The following SLIT3 variants were observed in gnomAD, a reference collection of about 807,000 sequenced individuals.
The protein encoded by SLIT3 is slit guidance ligand 3.
SLIT3 carries 68 observed loss-of-function variants against 184.0 expected under a neutral mutation model. The ratio of observed to expected loss-of-function variants is 0.37; its 90% confidence interval spans 0.30 to 0.45. The LOEUF (loss-of-function observed/expected upper bound fraction) is 0.45, where lower values mean the gene tolerates loss of function less well. SLIT3 is among the 20% of genes least tolerant of loss of function. SLIT3 has a pLI of 1.00. For synonymous variants in SLIT3, 831 were observed against 828.6 expected (o/e 1.00, Z -0.05); for missense variants, 1,707 against 2,026.0 (o/e 0.84, Z 3.02).
At chr5:168,761,953 A>G (rs1464071367) in intron 15 of SLIT3, among the ~76,000 whole-genome samples, 3 of 137,108 alleles carry the variant, frequency 2.2e-5, no homozygotes, top group Non-Finnish European at 4.7e-5. Context: ...GACTGGGGTA[A>G]GGGAGTGGGG....
At chr5:169,036,543 G>A (rs184126985) in intron 4 of SLIT3, 4 of 152,160 alleles carry the variant, frequency 2.6e-5, no homozygotes, top group South Asian at 4.2e-4. Flanking sequence ...ACATCTAAAC[G>A]CACAGCATTT....
At chr5:168,801,806 T>C (rs1350455104) in intron 9 of SLIT3, among the ~76,000 whole-genome samples, 1 of 152,182 alleles carries the variant, frequency 6.6e-6, no homozygotes, top group Non-Finnish European at 1.5e-5. Flanking sequence ...TGAATCATCA[T>C]CTCACTGTGG....
chr5:169,272,937 G>T (rs2113634837), intron 1 of SLIT3, among the ~76,000 whole-genome samples: 1 of 152,112 alleles, frequency 6.6e-6, no homozygotes, highest in East Asian at 1.9e-4. Context: ...ACCTGCTGGG[G>T]TGGGAGCCCA....
intron 4 of SLIT3, among the ~76,000 whole-genome samples, chr5:169,192,758 G>A (rs1258534840): frequency 1.3e-5 from 2 of 152,142 alleles, no homozygotes; most frequent in East Asian, 1.9e-4. Flanking sequence ...CATGAACTGA[G>A]TCACTGCCAG....
chr5:168,996,667 C>T (rs569573394), intron 4 of SLIT3, among the ~76,000 whole-genome samples: 1 of 152,314 alleles, frequency 6.6e-6, no homozygotes, highest in African/African-American at 2.4e-5. Context: ...GTTACAGCAG[C>T]GGATTTTTTA....
intron 4 of SLIT3, among the ~76,000 whole-genome samples, chr5:169,034,100 C>A (rs879588202): frequency 1.3e-5 from 2 of 152,208 alleles, no homozygotes; most frequent in Admixed American, 6.5e-5. Flanking sequence ...GCGTGAGCCA[C>A]CACACCCAGC....
intron 4 of SLIT3, among the ~76,000 whole-genome samples, chr5:168,987,043 A>T (rs1755155640): frequency 6.6e-6 from 1 of 152,160 alleles, no homozygotes; most frequent in Non-Finnish European, 1.5e-5. Context: ...GCGAGATTCC[A>T]TCTCAAAAAA....
At chr5:169,106,167 C>G (rs1439318247) in intron 4 of SLIT3, among the ~76,000 whole-genome samples, 1 of 152,152 alleles carries the variant, frequency 6.6e-6, no homozygotes, top group African/African-American at 2.4e-5. Flanking sequence ...ACCTGTGTAA[C>G]AAACCTGCAC....
chr5:168,758,061 T>C (rs1231216254), intron 16 of SLIT3, among the ~76,000 whole-genome samples: 1 of 152,136 alleles, frequency 6.6e-6, no homozygotes, highest in African/African-American at 2.4e-5. Flanking sequence ...ATGGAAACAT[T>C]TGGCAGCCCT....
intron 4 of SLIT3, among the ~76,000 whole-genome samples, chr5:168,989,902 C>A (rs1380494256): frequency 2.0e-5 from 3 of 152,174 alleles, no homozygotes; most frequent in Non-Finnish European, 4.4e-5. Context: ...TCCCTTTTAT[C>A]TCTAACAGTT....
chr5:168,819,533 G>A (rs1581114927), intron 7 of SLIT3, among the ~76,000 whole-genome samples: 2 of 152,172 alleles, frequency 1.3e-5, no homozygotes, highest in Non-Finnish European at 2.9e-5. Flanking sequence ...AGTGAGGCGC[G>A]GAAGCTGAGG....
chr5:168,917,593 CT>C (rs1230373907), intron 4 of SLIT3, among the ~76,000 whole-genome samples: 1 of 152,208 alleles, frequency 6.6e-6, no homozygotes. Flanking sequence ...GCCCTTCCCC[CT>C]GCTTCTGGGG....
intron 4 of SLIT3, among the ~76,000 whole-genome samples, chr5:168,915,235 T>C (rs1275128842): frequency 6.6e-6 from 1 of 152,202 alleles, no homozygotes; most frequent in Non-Finnish European, 1.5e-5. Flanking sequence ...TGTGGAAAAA[T>C]CATTTTACAA....
intron 4 of SLIT3, among the ~76,000 whole-genome samples, chr5:168,966,121 G>A (rs1763182411): frequency 6.6e-6 from 1 of 152,190 alleles, no homozygotes; most frequent in Non-Finnish European, 1.5e-5. Flanking sequence ...ATAAAAGCAA[G>A]AGTTTTGTGC....
At chr5:169,250,768 C>T (rs1554111721) in intron 2 of SLIT3, among the ~76,000 whole-genome samples, 1 of 152,184 alleles carries the variant, frequency 6.6e-6, no homozygotes, top group Non-Finnish European at 1.5e-5. Context: ...TTTCCTGTAC[C>T]TCTGAATGTC....
intron 1 of SLIT3, among the ~76,000 whole-genome samples, chr5:169,256,393 C>T (rs74726128): frequency 0.02 from 3,048 of 152,302 alleles, 63 homozygotes; most frequent in Non-Finnish European, 0.033. Flanking sequence ...ACCTGCTGTG[C>T]GGGTTTATAG....
chr5:169,143,794 C>T (rs148908351), intron 4 of SLIT3, among the ~76,000 whole-genome samples: 10 of 150,238 alleles, frequency 6.7e-5, no homozygotes, highest in Admixed American at 1.3e-4. Flanking sequence ...AGCCAGAAAA[C>T]GAAAAAAAAC....
At chr5:168,980,220 GCCCTCT>G (rs1561587169) in intron 4 of SLIT3, among the ~76,000 whole-genome samples, 1 of 151,960 alleles carries the variant, frequency 6.6e-6, no homozygotes, top group East Asian at 1.9e-4. Flanking sequence ...CAGCCCCCAC[GCCCTCT>G]CCTCCCTGGC....
chr5:169,196,900 A>G (rs1249581964), intron 3 of SLIT3, among the ~76,000 whole-genome samples: 1 of 152,192 alleles, frequency 6.6e-6, no homozygotes, highest in Non-Finnish European at 1.5e-5. Context: ...CTGAGTCTCT[A>G]TGTGGGTCTG....
Sources: allele counts gnomAD v4.1 joint callset (sites outside exome capture counted in the v4.1 genomes callset), GRCh38; gene constraint gnomAD v4.1.1; transcripts MANE v1.5; gene names NCBI Gene and HGNC (gene_info 2026-07-23, HGNC 2026-07-21).